The following ACSL4 variants were observed in gnomAD, a reference collection of about 807,000 sequenced individuals.
ACSL4 encodes acyl-CoA synthetase long chain family member 4.
ACSL4 carries 9 observed loss-of-function variants against 49.1 expected under a neutral mutation model. The observed-to-expected ratio is 0.18, with a 90% CI of 0.11 to 0.32. ACSL4 has a LOEUF of 0.32. Ranked by LOEUF, ACSL4 falls within the 10% of genes least tolerant of loss-of-function variation. The pLI is 1.00. For synonymous variants in ACSL4, 191 were observed against 170.3 expected (o/e 1.12, Z -0.95); for missense variants, 333 against 493.7 (o/e 0.67, Z 3.08).
Position 109,645,710 on chromosome X carries a change from A to G in ACSL4, c.1856-1524T>C, listed in dbSNP as rs775204039. Among the ~76,000 whole-genome samples the G allele has an allele frequency of 6.3e-3, 705 of 112,115 alleles. 5 individuals are homozygous for G. The highest frequency in any genetic ancestry group is 0.011 in the Non-Finnish European group (558 of 53,115). On this transcript the variant is annotated intron_variant, in intron 15 of 15. Coordinates refer to ENST00000672401, the MANE Select transcript of ACSL4 (RefSeq NM_001318510.2). ...GAGCTGAGAGAAGAAGGCTTCAGAC[A>G]ATCAAATTACTCCGAGCTACGGGAG...
chrX:109,683,043 G>T, intron 3 of ACSL4, 93 bp downstream of exon 3: 1 of 1,043,320 alleles, frequency 9.6e-7, no homozygotes, highest in East Asian at 3.2e-5. Context: ...CACTATAATA[G>T]AATGCCAGCA....
chrX:109,680,885 T>A (rs1320841895), intron 6 of ACSL4, 113 bp downstream of exon 6: 4 of 829,630 alleles, frequency 4.8e-6, no homozygotes, highest in Non-Finnish European at 6.9e-6. Flanking sequence ...TTTGAACTTT[T>A]TTTTTTCAGT....
chrX:109,669,190 A>G lies in ACSL4; in HGVS notation c.1003-17T>C. On this transcript the variant is annotated splice_polypyrimidine_tract_variant and intron_variant, in intron 9 of 15. Coordinates refer to ENST00000672401, the MANE Select transcript of ACSL4 (RefSeq NM_001318510.2). ...CATGATTTCCTGAAAGTTAAACAAA[A>G]TATTCAATAATCTGAAAGGAATGGA... The G allele has an allele frequency of 8.9e-7, 1 of 1,129,297 alleles. No homozygotes were observed. Among genetic ancestry groups the G allele is most frequent in the Non-Finnish European group, 1.2e-6 (1 of 825,622 alleles). 93.1% of individuals were successfully genotyped at this position (1,129,297 alleles called of 1,213,427 possible).
intron 2 of ACSL4, among the ~76,000 whole-genome samples, chrX:109,686,776 G>GCACACACACA (rs35736807): frequency 3.4e-4 from 34 of 98,924 alleles, no homozygotes; most frequent in African/African-American, 1.2e-3. Context: ...ACACACGCAT[G>GCACACACACA]CACACACACA....
intron 10 of ACSL4, among the ~76,000 whole-genome samples, chrX:109,668,491 G>C (rs1484529556): frequency 1.8e-5 from 2 of 111,285 alleles, no homozygotes; most frequent in Non-Finnish European, 3.8e-5. Context: ...TGTAGCATCG[G>C]GAAACTATGC....
intron 15 of ACSL4, among the ~76,000 whole-genome samples, chrX:109,654,765 G>A (rs766040229): frequency 8.0e-5 from 9 of 112,251 alleles, no homozygotes; most frequent in Non-Finnish European, 1.3e-4. Context: ...GCTGGAAAGA[G>A]CAGCACTGGT....
At position 109,674,464 on chromosome X, in the gene ACSL4, T is replaced by C; in HGVS notation, c.940A>G (p.Ile314Val). 8.3e-7 allele frequency: 1 copy of C among 1,198,274 alleles called. No homozygotes were observed. Among genetic ancestry groups the C allele is most frequent in the Non-Finnish European group, 1.1e-6 (1 of 883,604 alleles). The part of the protein sequence containing the change: ...PLTLSDQSSK[I>V]KKGSKGDCTV... Reference sequence around the variant, plus strand: ...CAGTCTCCTTTGCTTCCTTTTTTAATTTTGCTGGACTATATTAAAGAAAAA... The same window carrying C: ...CAGTCTCCTTTGCTTCCTTTTTTAACTTTGCTGGACTATATTAAAGAAAAA... The change falls in exon 9 of 16, where the codon ATT (isoleucine) becomes GTT (valine). Residue 314 changes from isoleucine to valine, a missense_variant. Physicochemically the swap from Ile to Val is conservative, Grantham distance 29. Transcript: ENST00000672401.
intron 1 of ACSL4, among the ~76,000 whole-genome samples, chrX:109,707,980 G>A (rs1304009736): frequency 1.8e-5 from 2 of 111,271 alleles, no homozygotes; most frequent in Non-Finnish European, 3.8e-5. Context: ...GGTCTTGCTC[G>A]GTTACCCAGG....
intron 1 of ACSL4, among the ~76,000 whole-genome samples, chrX:109,726,071 C>T (rs751973872): frequency 8.9e-6 from 1 of 111,883 alleles, no homozygotes; most frequent in Admixed American, 9.5e-5. Context: ...ACTCCAATCT[C>T]CCCCACTCAT....
intron 15 of ACSL4, among the ~76,000 whole-genome samples, chrX:109,656,592 A>G (rs1921663821): frequency 9.0e-6 from 1 of 110,656 alleles, no homozygotes; most frequent in Non-Finnish European, 1.9e-5. Context: ...AATGGAGACG[A>G]ATGCCAGAAA....
rs122458139 is a variant in ACSL4 at position 109,674,403 on chromosome X, G to T, written c.1001C>A (p.Pro334Gln). ...VLKPTLMAAV[P>Q]EIMDRIYKNV... ...TTCATATTCATATTCTGTACTCACC[G>T]GAACAGCAGCCATAAGTGTGGGCTT... Residue 334 changes from proline (P) to glutamine (Q), a missense_variant and splice_region_variant, in exon 9 of 16, where the codon CCG becomes CAG. Transcript: ENST00000672401. 8.3e-7 allele frequency: 1 copy of T among 1,197,629 alleles called. No homozygotes were observed. The highest frequency in any genetic ancestry group is 1.8e-5 in the African/African-American group (1 of 56,891).
chrX:109,710,280 G>C (rs1171112500), intron 1 of ACSL4, among the ~76,000 whole-genome samples: 2 of 111,280 alleles, frequency 1.8e-5, no homozygotes, highest in African/African-American at 3.3e-5. Context: ...AGAATGTATG[G>C]GTATATTAGC....
intron 2 of ACSL4, chrX:109,683,721 C>CA (rs1036533382): frequency 1.2e-5 from 4 of 340,231 alleles, no homozygotes; most frequent in Non-Finnish European, 2.0e-5. Flanking sequence ...AAACAAAAAA[C>CA]AAAAAACAAA....
chrX:109,686,641 A>C (rs1466285165), intron 2 of ACSL4, among the ~76,000 whole-genome samples: 1 of 111,883 alleles, frequency 8.9e-6, no homozygotes, highest in African/African-American at 3.2e-5. Flanking sequence ...TGGATTTAAA[A>C]TGCATTGTAT....
At chrX:109,666,684 G>A (rs1922669292) in intron 11 of ACSL4, among the ~76,000 whole-genome samples, 2 of 111,977 alleles carry the variant, frequency 1.8e-5, no homozygotes, top group Admixed American at 9.4e-5. Context: ...GGAAGCTGAG[G>A]TGGGTGGATC....
intron 15 of ACSL4, among the ~76,000 whole-genome samples, chrX:109,647,912 T>C (rs2147357337): frequency 9.0e-6 from 1 of 111,188 alleles, no homozygotes; most frequent in African/African-American, 3.3e-5. Context: ...GCAAATAAAC[T>C]AGAAAATCTA....
chrX:109,695,165 T>A (rs748425908), intron 2 of ACSL4, among the ~76,000 whole-genome samples: 1 of 108,802 alleles, frequency 9.2e-6, no homozygotes, highest in Admixed American at 9.8e-5. Context: ...GCCAACATGG[T>A]GAAACCCCTT....
At chrX:109,712,229 G>T (rs1470434513) in intron 1 of ACSL4, among the ~76,000 whole-genome samples, 1 of 111,485 alleles carries the variant, frequency 9.0e-6, no homozygotes, top group African/African-American at 3.3e-5. Flanking sequence ...CTCCTGAGTA[G>T]CTGGGCCTAC....
At chrX:109,650,109 G>C (rs1279633894) in intron 15 of ACSL4, among the ~76,000 whole-genome samples, 2 of 111,827 alleles carry the variant, frequency 1.8e-5, no homozygotes, top group Non-Finnish European at 3.8e-5. Context: ...CGTTGTGGAA[G>C]TCAGTGTGGT....
Sources: gnomAD v4.1 joint callset for allele counts (sites outside exome capture counted in the v4.1 genomes callset) on GRCh38, gnomAD v4.1.1 for gene constraint, MANE v1.5 for transcripts, NCBI Gene and HGNC (gene_info 2026-07-23, HGNC 2026-07-21) for gene names.